Variants in ADA observed in about 807,000 individuals in gnomAD.
ADA encodes the protein adenosine aminohydrolase.
A neutral mutation model predicts 49.0 loss-of-function variants in ADA; 45 were observed. The ratio of observed to expected loss-of-function variants is 0.92; its 90% CI spans 0.72 to 1.18. The LOEUF (loss-of-function observed/expected upper bound fraction) is 1.18. Among genes scored for constraint, ADA ranks in the 50% most tolerant of loss-of-function variants. The pLI is 0.00. For synonymous variants in ADA, 173 were observed against 184.2 expected (o/e 0.94, Z 0.49); for missense variants, 445 against 472.5 (o/e 0.94, Z 0.54).
rs148835475 is a variant in ADA, at chr20:44,641,134, G to A, written c.34-4846C>T. 3.2e-3 allele frequency among the ~76,000 whole-genome samples: 482 copies of A among 152,296 alleles called. 1 individual carries two copies. Among genetic ancestry groups the A allele is most frequent in the African/African-American group, 0.011 (452 of 41,578 alleles). On this transcript the variant is annotated intron_variant, in intron 1 of 11. Coordinates refer to ENST00000372874, the MANE Select transcript of ADA (RefSeq NM_000022.4). ...GAAACTTGTCCGTCGGGCTAAAAGC[G>A]CAGGCACTGGGGGCTTCAGAGGAGT... is the stretch of plus-strand genomic sequence containing the variant.
In ADA at chr20:44,651,622, C is replaced by A; in HGVS notation, c.-15G>T. ...GTCTGGGCCATGGTGCCCTCGTGCG[C>A]CCCGGCGCTGCTCCCTCCGCCGCCG... On this transcript the variant is annotated 5_prime_UTR_variant, in exon 1 of 12. Coordinates refer to ENST00000372874, the MANE Select transcript of ADA (RefSeq NM_000022.4). 1 of 1,527,446 alleles carries A rather than the reference C, an allele frequency of 6.5e-7. No individual in the cohort carries two copies. Among genetic ancestry groups the A allele is most frequent in the Non-Finnish European group, 8.7e-7 (1 of 1,144,568 alleles). The allele number at this position is 1,527,446 out of a possible 1,614,324, so 94.6% of individuals were successfully genotyped here.
Position 44,621,103 on chromosome 20 carries a change from G to A in ADA, c.890C>T (p.Pro297Leu), listed in dbSNP as rs121908718. Residue 297 changes from proline (P) to leucine (L), a missense_variant, in exon 10 of 12, where the codon CCG becomes CTG. By Grantham distance (98) the Pro-to-Leu change is moderately conservative. Coordinates refer to ENST00000372874, the MANE Select transcript of ADA (RefSeq NM_000022.4). The stretch of plus-strand genomic sequence containing the variant: ...GTCCAGGGTGGACTTGAAGATGAGC[G>A]GGTCATCTGTGTTGAGCGAGTAGTT... ...QANYSLNTDD[P>L]LIFKSTLDTD... is the part of the protein sequence containing the mutation. 5.0e-6 allele frequency: 8 copies of A among 1,614,022 alleles called. No individual in the cohort carries two copies. The highest frequency in any genetic ancestry group is 4.5e-5 in the East Asian group (2 of 44,896).
At chr20:44,644,559 C>G (rs6017375) in intron 1 of ADA, among the ~76,000 whole-genome samples, 80,601 of 151,592 alleles carry the variant, frequency 0.53, 22,165 homozygotes, top group East Asian at 0.75. Flanking sequence ...CAGGTGCCCA[C>G]TGCCAATCGA....
chr20:44,622,042 G>A (rs918107632), intron 9 of ADA, among the ~76,000 whole-genome samples: 13 of 152,192 alleles, frequency 8.5e-5, no homozygotes, highest in African/African-American at 2.9e-4. Context: ...TCCTTGTCTT[G>A]GGGAAGGCGG....
chr20:44,650,863 C>A (rs384851), intron 1 of ADA, among the ~76,000 whole-genome samples: 145,467 of 152,150 alleles, frequency 0.96, 69,906 homozygotes, highest in East Asian at 1. Flanking sequence ...TCGGACTCTG[C>A]GACAGGCCAA....
rs1194127462 is a variant in ADA at position 44,619,731 on chromosome 20, A to G, written c.*103T>C. ...GGTTCAGGAGCATCAGTAACTGACT[A>G]TTGAGATCATGGTCTTCTTGGAAGG... On this transcript the variant is annotated 3_prime_UTR_variant, in exon 12 of 12. Transcript: ENST00000372874. The G allele has an allele frequency of 1.4e-6, 2 of 1,467,866 alleles. No individual in the cohort carries two copies. Among genetic ancestry groups the G allele is most frequent in the East Asian group, 4.5e-5 (2 of 43,962 alleles). 90.9% of individuals were successfully genotyped at this position (1,467,866 alleles called of 1,614,324 possible). A position where few individuals can be genotyped will look rare whatever the true frequency, so the allele number is the denominator to read the frequency against.
chr20:44,622,256 C>T (rs774122478), intron 9 of ADA, among the ~76,000 whole-genome samples: 7 of 152,186 alleles, frequency 4.6e-5, no homozygotes, highest in African/African-American at 7.2e-5. Context: ...CAGAGGGACT[C>T]CTGCTTCCTA....
chr20:44,624,028 G>T, intron 6 of ADA, 174 bp downstream of exon 6: 1 of 910,834 alleles, frequency 1.1e-6, no homozygotes, highest in Non-Finnish European at 1.7e-6. Context: ...TCACAGGCAT[G>T]AACCACCACG....
intron 2 of ADA, among the ~76,000 whole-genome samples, chr20:44,631,653 C>T (rs571144280): frequency 2.2e-4 from 34 of 152,334 alleles, no homozygotes; most frequent in African/African-American, 8.2e-4. Flanking sequence ...CAGAACTCCA[C>T]CTGCGGGGGC....
chr20:44,619,884 A>G, intron 11 of ADA, 37 bp from the exon 12 acceptor site: 1 of 1,613,974 alleles, frequency 6.2e-7, no homozygotes, highest in South Asian at 1.1e-5. Context: ...AGATCAGGCA[A>G]CTTGTAGTAC....
chr20:44,645,775 G>A (rs2299687), intron 1 of ADA, among the ~76,000 whole-genome samples: 81,069 of 151,968 alleles, frequency 0.53, 22,416 homozygotes, highest in East Asian at 0.75. Flanking sequence ...CTGAGGCACC[G>A]TGAAGTTAAA....
At chr20:44,635,537 A>G (rs1190874118) in intron 2 of ADA, among the ~76,000 whole-genome samples, 2 of 152,148 alleles carry the variant, frequency 1.3e-5, no homozygotes, top group Non-Finnish European at 2.9e-5. Flanking sequence ...GCTCTAGGAG[A>G]TGCTCAAGAA....
At chr20:44,641,449 G>C (rs1213917912) in intron 1 of ADA, among the ~76,000 whole-genome samples, 1 of 150,780 alleles carries the variant, frequency 6.6e-6, no homozygotes, top group Non-Finnish European at 1.5e-5. Flanking sequence ...AAAGGAACTA[G>C]CAGCCTTGGA....
chr20:44,634,423 G>A (rs1351373005), intron 2 of ADA, among the ~76,000 whole-genome samples: 3 of 152,340 alleles, frequency 2.0e-5, no homozygotes, highest in East Asian at 1.9e-4. Flanking sequence ...TAACTGACAG[G>A]GGGTAATGGC....
At chr20:44,620,742 C>G (rs2065322368) in intron 10 of ADA, 1 of 566,332 alleles carries the variant, frequency 1.8e-6, no homozygotes, top group Non-Finnish European at 3.2e-6. Flanking sequence ...TGCAAGACTT[C>G]ATAGCTGCTG....
At chr20:44,635,147 T>C (rs1308141652) in intron 2 of ADA, among the ~76,000 whole-genome samples, 6 of 152,148 alleles carry the variant, frequency 3.9e-5, no homozygotes, top group Admixed American at 3.3e-4. Flanking sequence ...AAGCTGGTCC[T>C]AAGAGAGGAG....
intron 2 of ADA, among the ~76,000 whole-genome samples, chr20:44,630,582 A>C (rs2065425045): frequency 6.6e-6 from 1 of 152,232 alleles, no homozygotes; most frequent in African/African-American, 2.4e-5. Flanking sequence ...GTCACGATGT[A>C]AGAAAAGAAC....
chr20:44,630,202 G>C (rs1055214987), intron 2 of ADA, among the ~76,000 whole-genome samples: 1 of 151,954 alleles, frequency 6.6e-6, no homozygotes, highest in African/African-American at 2.4e-5. Context: ...AAAATTAGTT[G>C]GGTGTGGTGG....
chr20:44,621,555 A>G (rs2123512979), intron 9 of ADA, among the ~76,000 whole-genome samples: 1 of 152,228 alleles, frequency 6.6e-6, no homozygotes, highest in African/African-American at 2.4e-5. Context: ...CATACCATGG[A>G]AGCTGTTCTT....
Sources: gnomAD v4.1 joint callset for allele counts (sites outside exome capture counted in the v4.1 genomes callset) on GRCh38, gnomAD v4.1.1 for gene constraint, MANE v1.5 for transcripts, NCBI Gene and HGNC (gene_info 2026-07-23, HGNC 2026-07-21) for gene names.